The following TTC39B variants were observed in gnomAD, a reference collection of about 807,000 sequenced individuals.
The protein encoded by TTC39B is tetratricopeptide repeat protein 39B.
Under a neutral mutation model 96.6 loss-of-function variants are expected in TTC39B, and 92 were observed. The ratio of observed to expected loss-of-function variants is 0.95; its 90% CI spans 0.80 to 1.13. The LOEUF (loss-of-function observed/expected upper bound fraction) is 1.13, where lower values mean the gene tolerates loss of function less well. Among genes scored for constraint, TTC39B ranks in the 50% most tolerant of loss-of-function variants. The pLI is 0.00. For synonymous variants in TTC39B, 367 were observed against 299.4 expected (o/e 1.23, Z -2.33); for missense variants, 955 against 809.3 (o/e 1.18, Z -2.18).
intron 1 of TTC39B, among the ~76,000 whole-genome samples, chr9:15,272,010 T>A (rs74899927): frequency 0.043 from 6,621 of 152,248 alleles, 177 homozygotes; most frequent in South Asian, 0.072. Flanking sequence ...ACGTGGAGGA[T>A]GAAACACCAA....
chr9:15,211,027 CA>C (rs1206015899), intron 5 of TTC39B, among the ~76,000 whole-genome samples: 1 of 151,948 alleles, frequency 6.6e-6, no homozygotes, highest in Non-Finnish European at 1.5e-5. Flanking sequence ...CTGCTAATCC[CA>C]CTGAAATCCC....
chr9:15,303,477 C>T (rs1824664514), intron 1 of TTC39B, among the ~76,000 whole-genome samples: 1 of 150,820 alleles, frequency 6.6e-6, no homozygotes, highest in African/African-American at 2.4e-5. Context: ...CTCAAGTGAT[C>T]CTCCCACCTC....
intron 16 of TTC39B, chr9:15,183,534 C>G (rs2057478): frequency 0.63 from 202,076 of 321,884 alleles, 64,709 homozygotes; most frequent in East Asian, 0.91. Context: ...TTCCATAGAC[C>G]TGGAGAAAGA....
intron 10 of TTC39B, 129 bp downstream of exon 10, chr9:15,191,061 A>G: frequency 1.4e-6 from 1 of 701,030 alleles, no homozygotes; most frequent in Non-Finnish European, 2.5e-6. Context: ...TCAAAGGCTT[A>G]TTTTCTGTCC....
At chr9:15,234,369 C>G (rs1458569110) in intron 2 of TTC39B, among the ~76,000 whole-genome samples, 1 of 149,530 alleles carries the variant, frequency 6.7e-6, no homozygotes, top group Non-Finnish European at 1.5e-5. Context: ...GGGGGTCAGC[C>G]CCCCGCCCGG....
chr9:15,211,165 A>G (rs1820174264), intron 5 of TTC39B, 101 bp downstream of exon 5: 2 of 1,327,072 alleles, frequency 1.5e-6, no homozygotes, highest in Admixed American at 3.0e-5. Context: ...ACTGTGGCCA[A>G]TTTCAAACAC....
Position 15,243,958 on chromosome 9 carries a change from A to C in TTC39B, c.276-17946T>G, listed in dbSNP as rs16932856. On this transcript the variant is annotated intron_variant, in intron 2 of 19. Coordinates refer to ENST00000512701, the Ensembl canonical transcript of TTC39B. ...AAGAAAATGGAAGGTAGTGCTTACT[A>C]TCTCTTTCAGCAAAAGAAACTACTC... is the stretch of plus-strand genomic sequence containing the variant. 1.0e-3 allele frequency among the ~76,000 whole-genome samples: 154 copies of C among 152,292 alleles called. 3 individuals carry two copies. The East Asian group carries it at 0.027, about 27-fold the overall frequency.
intron 4 of TTC39B, among the ~76,000 whole-genome samples, chr9:15,212,324 A>C (rs1434932407): frequency 6.6e-6 from 1 of 151,964 alleles, no homozygotes; most frequent in Non-Finnish European, 1.5e-5. Flanking sequence ...GCCCAAAGTT[A>C]ATCATTAATT....
chr9:15,240,530 T>G (rs1176392072), intron 2 of TTC39B, among the ~76,000 whole-genome samples: 2 of 152,160 alleles, frequency 1.3e-5, no homozygotes. Context: ...AAAATGATAA[T>G]GTACCATTTT....
chr9:15,246,698 G>A (rs1412900675), intron 2 of TTC39B, among the ~76,000 whole-genome samples: 2 of 152,206 alleles, frequency 1.3e-5, no homozygotes, highest in African/African-American at 4.8e-5. Context: ...GCAACAACAT[G>A]GAGAAGAACA....
chr9:15,211,040 C>G (rs1820165766), intron 5 of TTC39B, among the ~76,000 whole-genome samples: 1 of 151,452 alleles, frequency 6.6e-6, no homozygotes, highest in Non-Finnish European at 1.5e-5. Flanking sequence ...TGAAATCCCC[C>G]CGAAATCCCC....
chr9:15,284,698 C>A lies in TTC39B; in HGVS notation c.241-16750G>T, dbSNP rs2890997. ...GCAGATTTCTATGACTAGAAAGTCACAACCAAATTCTTACTTAAGCTGGTC... is the reference window on the plus strand; with the variant it reads ...GCAGATTTCTATGACTAGAAAGTCAAAACCAAATTCTTACTTAAGCTGGTC... On this transcript the variant is annotated intron_variant, in intron 1 of 19. Coordinates refer to ENST00000512701, the Ensembl canonical transcript of TTC39B. Among the ~76,000 whole-genome samples the A allele has an allele frequency of 3.0e-4, 45 of 152,208 alleles. No homozygotes were observed. In the South Asian group the frequency reaches 9.1e-3, roughly 31 times the overall value.
At chr9:15,233,311 G>A (rs1325929462) in intron 2 of TTC39B, among the ~76,000 whole-genome samples, 1 of 152,022 alleles carries the variant, frequency 6.6e-6, no homozygotes, top group Non-Finnish European at 1.5e-5. Context: ...ACAAGGAGAA[G>A]GGAGAAGAAA....
chr9:15,177,008 CAG>C (rs1817976540), intron 18 of TTC39B, among the ~76,000 whole-genome samples: 1 of 152,188 alleles, frequency 6.6e-6, no homozygotes. Context: ...AAAAGAGAGA[CAG>C]AGTGCTCATC....
intron 7 of TTC39B, among the ~76,000 whole-genome samples, chr9:15,200,703 AT>A (rs1819484361): frequency 6.6e-6 from 1 of 152,234 alleles, no homozygotes. Context: ...GTCTATTGAT[AT>A]CAGAAAGATG....
At chr9:15,175,646 C>T (rs1456012607) in intron 18 of TTC39B, among the ~76,000 whole-genome samples, 1 of 152,118 alleles carries the variant, frequency 6.6e-6, no homozygotes, top group Non-Finnish European at 1.5e-5. Context: ...ATACAACTAA[C>T]ACCATTTCAA....
chr9:15,275,237 C>A (rs532792391), intron 1 of TTC39B, among the ~76,000 whole-genome samples: 3 of 152,268 alleles, frequency 2.0e-5, no homozygotes, highest in Admixed American at 2.0e-4. Context: ...GACGGGGTTT[C>A]TCCAGGTTGG....
chr9:15,174,563 T>C (rs1258269551), intron 19 of TTC39B, among the ~76,000 whole-genome samples: 1 of 152,274 alleles, frequency 6.6e-6, no homozygotes, highest in East Asian at 1.9e-4. Flanking sequence ...AAATAATAGG[T>C]ATGGCTGAAT....
intron 2 of TTC39B, among the ~76,000 whole-genome samples, chr9:15,229,445 G>A (rs71513217): frequency 5.9e-5 from 9 of 152,180 alleles, no homozygotes; most frequent in Non-Finnish European, 1.3e-4. Context: ...TTAACTTGTA[G>A]ATTTTTTAAT....
Sources: gnomAD v4.1 joint callset for allele counts (sites outside exome capture counted in the v4.1 genomes callset) on GRCh38, gnomAD v4.1.1 for gene constraint, MANE v1.5 for transcripts, NCBI Gene and HGNC (gene_info 2026-07-23, HGNC 2026-07-21) for gene names.